LPP: variants seen among roughly 807,000 people sequenced by gnomAD.
The protein encoded by LPP is LIM domain containing preferred translocation partner in lipoma, also known as lipoma-preferred partner.
Under a neutral mutation model 60.4 loss-of-function variants are expected in LPP, and 38 were observed. The observed-to-expected ratio is 0.63, with a 90% CI of 0.49 to 0.83. The LOEUF (loss-of-function observed/expected upper bound fraction) is 0.83. LPP is among the 40% of genes least tolerant of loss of function. The pLI is 0.00. For missense variants in LPP, 902 were observed against 783.6 expected, an observed-to-expected ratio of 1.15 and a Z score of -1.80; for synonymous variants, 328 against 290.8, an observed-to-expected ratio of 1.13 and a Z score of -1.30.
intron 7 of LPP, among the ~76,000 whole-genome samples, chr3:188,642,940 G>GA (rs113367421): frequency 0.96 from 142,573 of 149,090 alleles, 68,400 homozygotes; most frequent in East Asian, 1. Flanking sequence ...CCATCTCAGG[G>GA]AAAAAAAAAA....
At chr3:188,495,557 A>G (rs1579351316) in intron 5 of LPP, among the ~76,000 whole-genome samples, 1 of 152,160 alleles carries the variant, frequency 6.6e-6, no homozygotes, top group East Asian at 1.9e-4. Flanking sequence ...CTCAAAAAGC[A>G]GCCATTGTCG....
In LPP at chr3:188,154,206, G is replaced by GCCGCCGCCACCA. The variant is rs1553796039; in HGVS notation, c.-233_-222dup. On this transcript the variant is annotated 5_prime_UTR_variant, in exon 1 of 12. Coordinates refer to ENST00000617246, the MANE Select transcript of LPP (RefSeq NM_001375462.1). ...GCCTCCAGCCGCCGCCGCCGCCGCC[G>GCCGCCGCCACCA]CCGCCGCCACCACCACCGCCGCTGC... 4 of 222,690 alleles carry GCCGCCGCCACCA rather than the reference G, an allele frequency of 1.8e-5. No individual in the cohort carries two copies. The Admixed American group carries it at 2.3e-4, about 13-fold the overall frequency. The allele number at this position is 222,690 out of a possible 1,614,324, so 13.8% of individuals were successfully genotyped here.
intron 9 of LPP, among the ~76,000 whole-genome samples, chr3:188,815,707 A>AT (rs1327905805): frequency 6.6e-6 from 1 of 152,126 alleles, no homozygotes. Context: ...AATTATTGCG[A>AT]TTTTCCAAGC....
chr3:188,302,896 C>A (rs1442587279), intron 2 of LPP, among the ~76,000 whole-genome samples: 1 of 152,142 alleles, frequency 6.6e-6, no homozygotes, highest in African/African-American at 2.4e-5. Flanking sequence ...TAGTTGCTAA[C>A]AACATTCTAT....
intron 2 of LPP, among the ~76,000 whole-genome samples, chr3:188,291,079 G>A (rs977357041): frequency 2.0e-5 from 3 of 152,176 alleles, no homozygotes; most frequent in Non-Finnish European, 4.4e-5. Flanking sequence ...CCTTCAAAGA[G>A]TAAGAATACA....
At chr3:188,523,758 T>C (rs1030732073) in intron 5 of LPP, among the ~76,000 whole-genome samples, 3 of 152,254 alleles carry the variant, frequency 2.0e-5, no homozygotes, top group Non-Finnish European at 4.4e-5. Context: ...CCATTGAGTC[T>C]TGCTGAAGAT....
intron 7 of LPP, among the ~76,000 whole-genome samples, chr3:188,655,830 G>A (rs1185872883): frequency 6.6e-6 from 1 of 151,994 alleles, no homozygotes; most frequent in Admixed American, 6.6e-5. Context: ...CCTACCATAT[G>A]CAGCTCTTAC....
rs935105834 is a variant in LPP, at chr3:188,182,697, C to T, written c.-190+28445C>T. On this transcript the variant is annotated intron_variant, in intron 1 of 11. Coordinates refer to ENST00000617246, the MANE Select transcript of LPP (RefSeq NM_001375462.1). The surrounding 1 kb of genome is among the most constrained non-coding windows in gnomAD (Gnocchi z 4.4). ...ATCTTTAAGTCCAGTGATTTTTAAC[C>T]AGCTAAAGAATTGAATATATATATA... Among the ~76,000 whole-genome samples the T allele has an allele frequency of 7.3e-5, 11 of 149,904 alleles. No homozygotes were observed. The highest frequency in any genetic ancestry group is 2.7e-4 in the African/African-American group (11 of 40,720).
chr3:188,554,424 C>T (rs1828981693), intron 6 of LPP, among the ~76,000 whole-genome samples: 1 of 152,116 alleles, frequency 6.6e-6, no homozygotes, highest in Admixed American at 6.5e-5. Context: ...AGTTGTAGTT[C>T]AATTTATACC....
intron 7 of LPP, among the ~76,000 whole-genome samples, chr3:188,620,257 G>C (rs1454299777): frequency 6.6e-6 from 1 of 152,050 alleles, no homozygotes; most frequent in African/African-American, 2.4e-5. Context: ...TATAGTATAT[G>C]TGCAATCATT....
At chr3:188,702,686 C>T (rs551289048) in intron 7 of LPP, among the ~76,000 whole-genome samples, 15 of 152,234 alleles carry the variant, frequency 9.9e-5, no homozygotes, top group Admixed American at 2.6e-4. Flanking sequence ...GTAAGAGATT[C>T]GGGTATTTCA....
intron 2 of LPP, among the ~76,000 whole-genome samples, 183 bp from the exon 3 acceptor site, chr3:188,341,480 A>G (rs918989123): frequency 3.3e-5 from 5 of 152,152 alleles, no homozygotes; most frequent in African/African-American, 1.2e-4. Context: ...TTCCTCACCT[A>G]TGAAGCCAGT....
rs573241418 is a variant in LPP at position 188,825,561 on chromosome 3, C to T, written c.1411-40639C>T. Among the ~76,000 whole-genome samples the T allele has an allele frequency of 3.9e-5, 6 of 151,966 alleles. No homozygotes were observed. In the East Asian group the frequency reaches 7.8e-4, roughly 20 times the overall value. On this transcript the variant is annotated intron_variant, in intron 9 of 11. Transcript: ENST00000617246. ...TTGCTATTATCCTCAGTTTGGCAGG[C>T]GACAGGGTTCTGAGAGTGAGAGAGT...
Position 188,610,089 on chromosome 3 carries a change from C to T in LPP, c.1113+245C>T, listed in dbSNP as rs756772118. 1.3e-5 allele frequency among the ~76,000 whole-genome samples: 2 copies of T among 152,094 alleles called. No homozygotes were observed. The highest frequency in any genetic ancestry group is 2.9e-5 in the Non-Finnish European group (2 of 68,016). On this transcript the variant is annotated intron_variant, in intron 7 of 11. Transcript: ENST00000617246. This position sits in a 1 kb window ranked among gnomAD's most constrained non-coding sequence, Gnocchi z 4.4. The stretch of plus-strand genomic sequence containing the variant: ...ATCTCAGAGAATCATCTTCCAAAGC[C>T]CACAGACACCATAGCATCTGAGGAC...
intron 5 of LPP, among the ~76,000 whole-genome samples, chr3:188,496,126 A>C (rs1198364933): frequency 6.6e-6 from 1 of 150,552 alleles, no homozygotes; most frequent in African/African-American, 2.5e-5. Flanking sequence ...TTCAAAATTG[A>C]CGTCTTTTTT....
intron 7 of LPP, among the ~76,000 whole-genome samples, chr3:188,635,658 C>T (rs1848594148): frequency 6.6e-6 from 1 of 152,108 alleles, no homozygotes; most frequent in African/African-American, 2.4e-5. Flanking sequence ...TCTAGAAGTT[C>T]TGGTTTTGGA....
In LPP at chr3:188,408,924, A is replaced by T. The variant is rs145562458; in HGVS notation, c.193+2611A>T. 6.3e-3 allele frequency among the ~76,000 whole-genome samples: 955 copies of T among 152,214 alleles called. 8 individuals are homozygous for T. Among genetic ancestry groups the T allele is most frequent in the African/African-American group, 0.022 (898 of 41,522 alleles). On this transcript the variant is annotated intron_variant, in intron 4 of 11. Transcript: ENST00000617246. Reference sequence around the variant, plus strand: ...AGCAAACCCCATATTACAGTGATACATCCCTGCATCCCTTATAAGAATATA... The same window carrying T: ...AGCAAACCCCATATTACAGTGATACTTCCCTGCATCCCTTATAAGAATATA...
At chr3:188,471,639 T>G (rs1161806848) in intron 4 of LPP, among the ~76,000 whole-genome samples, 1 of 152,198 alleles carries the variant, frequency 6.6e-6, no homozygotes, top group Non-Finnish European at 1.5e-5. Context: ...AAATTCAGAT[T>G]TGAGCACTGA....
chr3:188,384,053 A>T (rs576475677), intron 3 of LPP, among the ~76,000 whole-genome samples: 1 of 152,310 alleles, frequency 6.6e-6, no homozygotes, highest in Admixed American at 6.5e-5. Flanking sequence ...AGTTCTTGCT[A>T]ATAGGATACC....
Sources: allele counts gnomAD v4.1 joint callset (sites outside exome capture counted in the v4.1 genomes callset), GRCh38; gene constraint gnomAD v4.1.1; non-coding constraint Gnocchi (gnomAD v3.1); transcripts MANE v1.5; gene names NCBI Gene and HGNC (gene_info 2026-07-23, HGNC 2026-07-21).